Variants in NEK7 observed in about 807,000 individuals in gnomAD.
NEK7 encodes the protein NIMA related kinase 7, also known as serine/threonine-protein kinase Nek7.
Under a neutral mutation model 44.6 loss-of-function variants are expected in NEK7, and 18 were observed. The ratio of observed to expected loss-of-function variants is 0.40; its 90% CI spans 0.28 to 0.60. The LOEUF is 0.60. Among genes scored for constraint, NEK7 ranks in the 20% least tolerant of loss-of-function variants. NEK7 has a pLI of 0.38. For missense variants in NEK7, 256 were observed against 366.5 expected, an observed-to-expected ratio of 0.70 and a Z score of 2.46; for synonymous variants, 130 against 121.1, an observed-to-expected ratio of 1.07 and a Z score of -0.48.
In NEK7 at chr1:198,237,008, T is replaced by C. The variant is rs545025565; in HGVS notation, c.57+4371T>C. On this transcript the variant is annotated intron_variant, in intron 2 of 9. Transcript: ENST00000367385. ...TGCCACCTAAGCTGCTCCTGTCAAGTTACAGTTACCTCTCCTGCTCCATCC... is the reference window on the plus strand; with the variant it reads ...TGCCACCTAAGCTGCTCCTGTCAAGCTACAGTTACCTCTCCTGCTCCATCC... 2.9e-4 allele frequency among the ~76,000 whole-genome samples: 44 copies of C among 152,284 alleles called. 1 individual carries two copies. The South Asian group carries it at 8.5e-3, about 29-fold the overall frequency.
At chr1:198,301,842 T>C (rs1654894373) in intron 9 of NEK7, among the ~76,000 whole-genome samples, 1 of 152,254 alleles carries the variant, frequency 6.6e-6, no homozygotes, top group South Asian at 2.1e-4. Flanking sequence ...TGCTTGCCGA[T>C]CTGAACTAGT....
intron 1 of NEK7, among the ~76,000 whole-genome samples, chr1:198,216,699 C>CA (rs984698433): frequency 4.0e-5 from 6 of 151,648 alleles, no homozygotes; most frequent in Admixed American, 1.3e-4. Flanking sequence ...CTAGATTAAC[C>CA]AAGAAAAGAA....
At position 198,321,423 on chromosome 1, in the gene NEK7, T is replaced by A. The variant is rs1426644227; in HGVS notation, c.*1901T>A. 6.6e-6 allele frequency: 1 copy of A among 152,206 alleles called. No homozygotes were observed. Among genetic ancestry groups the A allele is most frequent in the Non-Finnish European group, 1.5e-5 (1 of 68,000 alleles). The allele number at this position is 152,206 out of a possible 1,614,324, so 9.4% of individuals were successfully genotyped here. A position where few individuals can be genotyped will look rare whatever the true frequency, so the allele number is the denominator to read the frequency against. On this transcript the variant is annotated 3_prime_UTR_variant, in exon 10 of 10. Coordinates refer to ENST00000367385, the MANE Select transcript of NEK7 (RefSeq NM_133494.3). ...ATTCTTATTGACCATTAATGTCATG[T>A]TCATTTTAATGTAATATAATTGAGA...
At chr1:198,203,899 T>G (rs983686628) in intron 1 of NEK7, among the ~76,000 whole-genome samples, 1 of 152,204 alleles carries the variant, frequency 6.6e-6, no homozygotes, top group Non-Finnish European at 1.5e-5. Context: ...TGTAAAATAT[T>G]TTTTCATAGA....
chr1:198,284,127 A>C lies in NEK7; in HGVS notation c.589+5066A>C, dbSNP rs181458465. 2.9e-3 allele frequency among the ~76,000 whole-genome samples: 448 copies of C among 152,240 alleles called. 3 individuals carry two copies. Among genetic ancestry groups the C allele is most frequent in the African/African-American group, 7.8e-3 (325 of 41,538 alleles). On this transcript the variant is annotated intron_variant, in intron 7 of 9. Coordinates refer to ENST00000367385, the MANE Select transcript of NEK7 (RefSeq NM_133494.3). ...TCATTCAACTCTCTAAAATCCTTAC[A>C]CATACATGTGAGCTATGCACATGAG...
intron 1 of NEK7, among the ~76,000 whole-genome samples, chr1:198,173,614 A>T (rs1664515383): frequency 6.6e-6 from 1 of 152,122 alleles, no homozygotes. Flanking sequence ...AAAGCCTCTT[A>T]GTATAGACCA....
intron 9 of NEK7, among the ~76,000 whole-genome samples, chr1:198,313,808 G>A (rs908894805): frequency 5.9e-5 from 9 of 151,378 alleles, no homozygotes; most frequent in South Asian, 2.1e-4. Flanking sequence ...CTAGAGATCC[G>A]CTGTTAGTCT....
chr1:198,248,487 C>CT (rs1300865362), intron 2 of NEK7, among the ~76,000 whole-genome samples: 1 of 152,162 alleles, frequency 6.6e-6, no homozygotes, highest in Non-Finnish European at 1.5e-5. Flanking sequence ...TGAAGAGCCT[C>CT]TTCTATGTAT....
chr1:198,165,204 A>C (rs996555963), intron 1 of NEK7, among the ~76,000 whole-genome samples: 1 of 152,144 alleles, frequency 6.6e-6, no homozygotes, highest in Non-Finnish European at 1.5e-5. Context: ...GTTGGAATCA[A>C]CTTCTTCCAA....
At chr1:198,304,388 T>G (rs925385367) in intron 9 of NEK7, among the ~76,000 whole-genome samples, 1 of 152,164 alleles carries the variant, frequency 6.6e-6, no homozygotes, top group African/African-American at 2.4e-5. Flanking sequence ...TGTATGAATA[T>G]CTAAAGCTCC....
intron 1 of NEK7, 71 bp from the exon 2 acceptor site, chr1:198,232,482 G>A: frequency 1.4e-6 from 1 of 712,050 alleles, no homozygotes. Flanking sequence ...GAATGCATGT[G>A]TCGGTGTATG....
chr1:198,238,195 TC>T (rs781206720), intron 2 of NEK7, among the ~76,000 whole-genome samples: 5 of 151,952 alleles, frequency 3.3e-5, no homozygotes, highest in Admixed American at 6.6e-5. Flanking sequence ...AACACACTTC[TC>T]CCCCCCAGGA....
chr1:198,272,867 G>A (rs1330475016), intron 5 of NEK7, among the ~76,000 whole-genome samples: 1 of 151,676 alleles, frequency 6.6e-6, no homozygotes, highest in African/African-American at 2.4e-5. Context: ...TTTTCAGGAG[G>A]CAACTGTTTT....
At chr1:198,172,962 G>A (rs1664493478) in intron 1 of NEK7, among the ~76,000 whole-genome samples, 1 of 152,156 alleles carries the variant, frequency 6.6e-6, no homozygotes, top group African/African-American at 2.4e-5. Flanking sequence ...GGAATATCAT[G>A]GGATATGTAG....
intron 1 of NEK7, among the ~76,000 whole-genome samples, chr1:198,206,320 G>A (rs1022464915): frequency 5.3e-5 from 8 of 152,076 alleles, no homozygotes; most frequent in African/African-American, 1.9e-4. Context: ...GGAAGTGATT[G>A]GCTGATATGT....
intron 2 of NEK7, among the ~76,000 whole-genome samples, chr1:198,248,376 A>G (rs1666894407): frequency 6.6e-6 from 1 of 152,192 alleles, no homozygotes; most frequent in Admixed American, 6.6e-5. Flanking sequence ...AAGTGAATAA[A>G]AGAACTAGGA....
rs141966854 is a variant in NEK7 at position 198,162,198 on chromosome 1, A to C, written c.-29+4922A>C. 3.5e-4 allele frequency among the ~76,000 whole-genome samples: 53 copies of C among 152,244 alleles called. No individual in the cohort carries two copies. In the East Asian group the frequency reaches 9.5e-3, roughly 27 times the overall value. ...GGAAAATGCAACAGCTTTGTGAAAA[A>C]ATTACACAGTACACTTTCTCAGCTC... On this transcript the variant is annotated intron_variant, in intron 1 of 9. Transcript: ENST00000367385.
At chr1:198,247,914 T>C (rs1407767427) in intron 2 of NEK7, among the ~76,000 whole-genome samples, 2 of 152,212 alleles carry the variant, frequency 1.3e-5, no homozygotes, top group African/African-American at 4.8e-5. Flanking sequence ...ATCAGCCTTA[T>C]CAAAGGTTTC....
intron 5 of NEK7, among the ~76,000 whole-genome samples, chr1:198,267,642 C>G (rs576679751): frequency 1.3e-5 from 2 of 151,852 alleles, no homozygotes; most frequent in Non-Finnish European, 2.9e-5. Flanking sequence ...TGGGATTTCC[C>G]CATATTGATC....
Sources: gnomAD v4.1 joint callset for allele counts (sites outside exome capture counted in the v4.1 genomes callset) on GRCh38, gnomAD v4.1.1 for gene constraint, MANE v1.5 for transcripts, NCBI Gene and HGNC (gene_info 2026-07-23, HGNC 2026-07-21) for gene names.